Variants in TM4SF5 observed in about 807,000 individuals in gnomAD.
TM4SF5 encodes transmembrane 4 L six family member 5.
In TM4SF5, 16 loss-of-function variants were observed where a neutral mutation model predicts 22.3. The observed-to-expected ratio is 0.72, with a 90% CI of 0.49 to 1.09. The LOEUF (loss-of-function observed/expected upper bound fraction) is 1.09. TM4SF5 is among the 50% of genes least tolerant of loss of function. The pLI, the probability that TM4SF5 is intolerant of heterozygous loss-of-function variation, is 0.00. For missense variants in TM4SF5, 249 were observed against 266.1 expected, an observed-to-expected ratio of 0.94 and a Z score of 0.45; for synonymous variants, 113 against 109.6, an observed-to-expected ratio of 1.03 and a Z score of -0.19.
At chr17:4,778,347 G>A (rs1167405554) in intron 1 of TM4SF5, among the ~76,000 whole-genome samples, 1 of 152,048 alleles carries the variant, frequency 6.6e-6, no homozygotes, top group Admixed American at 6.6e-5. Context: ...AGGCACAGTG[G>A]CTCATGCCTG....
rs750311760 is a variant in TM4SF5, at chr17:4,783,012, TC to T, written c.555del (p.Cys186AlafsTer35). 6.2e-7 allele frequency: 1 copy of T among 1,614,178 alleles called. No individual in the cohort carries two copies. Among genetic ancestry groups the T allele is most frequent in the Non-Finnish European group, 8.5e-7 (1 of 1,180,006 alleles). ...CTGGTGAACGCGACCATTGGTGTCTTCTGCGGCGATTGCAGGAAAAAACAGG... is the reference window on the plus strand; with the variant it reads ...CTGGTGAACGCGACCATTGGTGTCTTTGCGGCGATTGCAGGAAAAAACAGG... Reference protein sequence around the residue: ...IQLVNATIGVFCGDCRKKQDT... With the variant: ...IQLVNATIGVXCGDCRKKQDT... On this transcript the variant is annotated frameshift_variant, in exon 4 of 5. Transcript: ENST00000270560. LOFTEE classifies it high-confidence loss of function.
intron 1 of TM4SF5, among the ~76,000 whole-genome samples, chr17:4,772,467 G>A (rs1189031641): frequency 1.3e-5 from 2 of 152,152 alleles, no homozygotes; most frequent in Non-Finnish European, 2.9e-5. Flanking sequence ...GATAATAACA[G>A]GCATGAGGGT....
chr17:4,782,899 G>A lies in TM4SF5; in HGVS notation c.441G>A (p.Ala147=), dbSNP rs1567708958. 2 of 1,614,134 alleles carry A rather than the reference G, an allele frequency of 1.2e-6. No individual in the cohort carries two copies. The highest frequency in any genetic ancestry group is 8.5e-7 in the Non-Finnish European group (1 of 1,180,016). ...LNRTLWDRCE[A]PPRVVPWNVT... Reference sequence around the variant, plus strand: ...GCACTCTATGGGATCGGTGCGAGGCGCCCCCTCGCGTGGTCCCCTGGAATG... The same window carrying A: ...GCACTCTATGGGATCGGTGCGAGGCACCCCCTCGCGTGGTCCCCTGGAATG... Residue 147 remains alanine, a synonymous_variant, in exon 4 of 5, where the codon GCG becomes GCA. Coordinates refer to ENST00000270560, the MANE Select transcript of TM4SF5 (RefSeq NM_003963.3).
rs541886050 is a variant in TM4SF5, at chr17:4,781,135, T to TAA, written c.258+290_258+291dup. 3.1e-3 allele frequency among the ~76,000 whole-genome samples: 387 copies of TAA among 125,104 alleles called. 5 individuals are homozygous for TAA. The highest frequency in any genetic ancestry group is 0.029 in the East Asian group (97 of 3,368). 82.1% of individuals were successfully genotyped at this position (125,104 alleles called of 152,430 possible). On this transcript the variant is annotated intron_variant, in intron 2 of 4. Coordinates refer to ENST00000270560, the MANE Select transcript of TM4SF5 (RefSeq NM_003963.3). ...GTCCAGGCTGCAGTAAGCAGTGATT[T>TAA]AAAAAAAAAAAAAAAAAAAAAAAAA... is the stretch of plus-strand genomic sequence containing the variant.
intron 2 of TM4SF5, among the ~76,000 whole-genome samples, 191 bp downstream of exon 2, chr17:4,781,060 A>ATC (rs1917296866): frequency 1.3e-5 from 2 of 150,974 alleles, no homozygotes; most frequent in East Asian, 4.0e-4. Context: ...AGCACCTGCA[A>ATC]TCTCGGCTAC....
chr17:4,777,055 G>A (rs1000593828), intron 1 of TM4SF5, among the ~76,000 whole-genome samples: 2 of 151,910 alleles, frequency 1.3e-5, no homozygotes, highest in African/African-American at 4.8e-5. Context: ...AAGTTAGCAG[G>A]GCATGGTGGT....
At chr17:4,779,207 G>A (rs2150647044) in intron 1 of TM4SF5, among the ~76,000 whole-genome samples, 1 of 152,246 alleles carries the variant, frequency 6.6e-6, no homozygotes, top group Middle Eastern at 3.4e-3. Flanking sequence ...GTAGGCCAGG[G>A]CAGGAGGAGC....
chr17:4,772,719 T>G (rs1309535970), intron 1 of TM4SF5, among the ~76,000 whole-genome samples: 1 of 91,310 alleles, frequency 1.1e-5, no homozygotes, highest in Non-Finnish European at 2.1e-5. Context: ...TTGTTTTTTG[T>G]TTTTTTTTTT....
chr17:4,775,621 C>G (rs561497465), intron 1 of TM4SF5, among the ~76,000 whole-genome samples: 1 of 151,888 alleles, frequency 6.6e-6, no homozygotes, highest in South Asian at 2.1e-4. Flanking sequence ...TTATTTAAGT[C>G]ACACAGACAA....
chr17:4,776,055 G>A (rs1016862756), intron 1 of TM4SF5, among the ~76,000 whole-genome samples: 2 of 151,510 alleles, frequency 1.3e-5, no homozygotes, highest in Admixed American at 1.3e-4. Flanking sequence ...CGCCATGTTG[G>A]TCAGGCTGGT....
At chr17:4,782,260 G>A (rs540015630) in intron 2 of TM4SF5, among the ~76,000 whole-genome samples, 1 of 151,908 alleles carries the variant, frequency 6.6e-6, no homozygotes, top group African/African-American at 2.4e-5. Context: ...TGTATTTTCA[G>A]TAAAGACAAG....
At chr17:4,782,469 T>C (rs1917329631) in intron 2 of TM4SF5, 34 bp from the exon 3 acceptor site, 7 of 1,612,936 alleles carry the variant, frequency 4.3e-6, no homozygotes, top group Non-Finnish European at 5.1e-6. Context: ...GGTGGGGAGA[T>C]TGGGCCTTAC....
chr17:4,772,658 G>C (rs1917135223), intron 1 of TM4SF5, among the ~76,000 whole-genome samples: 1 of 152,108 alleles, frequency 6.6e-6, no homozygotes, highest in East Asian at 1.9e-4. Context: ...TCGTCTTCCG[G>C]GAGATGAGAA....
intron 1 of TM4SF5, among the ~76,000 whole-genome samples, chr17:4,777,967 G>C (rs756563908): frequency 5.3e-5 from 8 of 152,080 alleles, no homozygotes; most frequent in Admixed American, 2.0e-4. Flanking sequence ...GATCACTTGA[G>C]CCCAGGAGGT....
At chr17:4,774,501 C>T (rs1428048868) in intron 1 of TM4SF5, among the ~76,000 whole-genome samples, 5 of 149,104 alleles carry the variant, frequency 3.4e-5, no homozygotes, top group East Asian at 4.1e-4. Context: ...GCTATGACCA[C>T]GCGCCACTGC....
intron 1 of TM4SF5, among the ~76,000 whole-genome samples, chr17:4,773,982 G>A (rs1425348547): frequency 6.6e-6 from 1 of 152,330 alleles, no homozygotes; most frequent in East Asian, 1.9e-4. Flanking sequence ...TTGGGAGGCC[G>A]AGGCGGGCCA....
Position 4,783,134 on chromosome 17 carries a change from C to T in TM4SF5, c.*6C>T. 6.2e-7 allele frequency: 1 copy of T among 1,613,662 alleles called. No individual in the cohort carries two copies. Among genetic ancestry groups the T allele is most frequent in the Non-Finnish European group, 8.5e-7 (1 of 1,179,860 alleles). On this transcript the variant is annotated 3_prime_UTR_variant, in exon 5 of 5. Coordinates refer to ENST00000270560, the MANE Select transcript of TM4SF5 (RefSeq NM_003963.3). ...CGCAGGACACACCTCACTGAGGCTCCACTGACCGCCGGGTTACACCTGCTC... is the reference window on the plus strand; with the variant it reads ...CGCAGGACACACCTCACTGAGGCTCTACTGACCGCCGGGTTACACCTGCTC...
chr17:4,773,735 C>A (rs1567707055), intron 1 of TM4SF5, among the ~76,000 whole-genome samples: 1 of 152,224 alleles, frequency 6.6e-6, no homozygotes, highest in Non-Finnish European at 1.5e-5. Flanking sequence ...GAGTCACACT[C>A]CTCTCAGGCT....
chr17:4,781,289 C>G (rs1188129898), intron 2 of TM4SF5, among the ~76,000 whole-genome samples: 1 of 151,120 alleles, frequency 6.6e-6, no homozygotes, highest in Admixed American at 6.6e-5. Flanking sequence ...GAGATCACAC[C>G]ATTGCACTCC....
Sources: gnomAD v4.1 joint callset for allele counts (sites outside exome capture counted in the v4.1 genomes callset) on GRCh38, gnomAD v4.1.1 for gene constraint, MANE v1.5 for transcripts, NCBI Gene and HGNC (gene_info 2026-07-23, HGNC 2026-07-21) for gene names.